GASK1A: variants seen among roughly 807,000 people sequenced by gnomAD.
GASK1A encodes golgi associated kinase 1A.
A neutral mutation model predicts 41.2 loss-of-function variants in GASK1A; 40 were observed. The ratio of observed to expected loss-of-function variants is 0.97; its 90% CI spans 0.75 to 1.27. The LOEUF (loss-of-function observed/expected upper bound fraction) is 1.27. Among genes scored for constraint, GASK1A ranks in the 50% most tolerant of loss-of-function variants. The pLI is 0.00. For missense variants in GASK1A, 678 were observed against 745.1 expected, an observed-to-expected ratio of 0.91 and a Z score of 1.05; for synonymous variants, 316 against 307.1, an observed-to-expected ratio of 1.03 and a Z score of -0.30.
At chr3:42,981,118 G>A (rs2089280802) in intron 1 of GASK1A, among the ~76,000 whole-genome samples, 1 of 152,176 alleles carries the variant, frequency 6.6e-6, no homozygotes, top group African/African-American at 2.4e-5. Context: ...CCCGTTCTGT[G>A]AGTCATTGCA....
At chr3:43,036,694 A>AAAAAAAGG (rs1468742180) in intron 2 of GASK1A, among the ~76,000 whole-genome samples, 1 of 152,150 alleles carries the variant, frequency 6.6e-6, no homozygotes, top group Non-Finnish European at 1.5e-5. Context: ...ACTGAGGTGG[A>AAAAAAAGG]AAAAAAGGAA....
intron 1 of GASK1A, among the ~76,000 whole-genome samples, chr3:43,011,343 C>G (rs2089462579): frequency 6.8e-6 from 1 of 147,402 alleles, no homozygotes; most frequent in Middle Eastern, 3.3e-3. Flanking sequence ...GGTCGCACCA[C>G]TGCACTCCAG....
intron 1 of GASK1A, among the ~76,000 whole-genome samples, chr3:42,986,694 G>C (rs1482515524): frequency 2.6e-5 from 4 of 152,198 alleles, no homozygotes; most frequent in African/African-American, 9.7e-5. Flanking sequence ...ATTGTCCCTA[G>C]GGCAGAGGGG....
At chr3:43,019,030 A>G (rs1475390756) in intron 1 of GASK1A, among the ~76,000 whole-genome samples, 1 of 152,260 alleles carries the variant, frequency 6.6e-6, no homozygotes, top group East Asian at 1.9e-4. Context: ...CTGTAAAATA[A>G]GGATGATAAC....
At chr3:43,041,114 C>T (rs982876718) in intron 2 of GASK1A, among the ~76,000 whole-genome samples, 3 of 149,656 alleles carry the variant, frequency 2.0e-5, no homozygotes, top group African/African-American at 7.3e-5. Context: ...TTTCTTAATC[C>T]AGTCTATCAT....
At chr3:43,055,288 C>G (rs1217245864) in intron 3 of GASK1A, 144 bp from the exon 4 acceptor site, 2 of 610,490 alleles carry the variant, frequency 3.3e-6, no homozygotes, top group Admixed American at 5.8e-5. Context: ...AGAGTAAGCA[C>G]TCAGCGGTGA....
rs1001225843 is a variant in GASK1A, at chr3:43,032,445, G to C, written c.182G>C (p.Arg61Pro). The change falls in exon 2 of 5, where the codon CGG becomes CCG. Residue 61 changes from arginine to proline, a missense_variant. Physicochemically the swap from Arg to Pro is moderately radical, Grantham distance 103. Coordinates refer to ENST00000430121, the MANE Select transcript of GASK1A (RefSeq NM_001129908.3). ...GVTGAPATHI[R>P]QALSSSRRQR... ...ACTGGCGCCCCTGCAACCCATATCC[G>C]GCAGGCTTTGAGCTCCAGCCGGAGG... The C allele has an allele frequency of 1.9e-6, 3 of 1,551,270 alleles. No homozygotes were observed. The highest frequency in any genetic ancestry group is 8.7e-7 in the Non-Finnish European group (1 of 1,146,654).
chr3:43,044,512 C>T (rs969145721), intron 2 of GASK1A, among the ~76,000 whole-genome samples: 14 of 152,086 alleles, frequency 9.2e-5, no homozygotes, highest in Admixed American at 5.2e-4. Context: ...TCAACATGGC[C>T]CCATGGGAGT....
At chr3:42,983,084 T>G (rs1486721998) in intron 1 of GASK1A, among the ~76,000 whole-genome samples, 1 of 152,170 alleles carries the variant, frequency 6.6e-6, no homozygotes, top group Non-Finnish European at 1.5e-5. Context: ...CATCATAGAA[T>G]TGAGGGATGT....
intron 2 of GASK1A, among the ~76,000 whole-genome samples, chr3:43,049,979 C>T (rs2089680954): frequency 6.7e-6 from 1 of 148,968 alleles, no homozygotes; most frequent in South Asian, 2.1e-4. Flanking sequence ...ACATTTTCTG[C>T]CCATCAGTAT....
chr3:43,021,550 C>T (rs553706728), intron 1 of GASK1A, among the ~76,000 whole-genome samples: 1 of 152,300 alleles, frequency 6.6e-6, no homozygotes, highest in East Asian at 1.9e-4. Context: ...TAGACTGTAT[C>T]CAGAAGTGGG....
rs1575447067 is a variant in GASK1A, at chr3:43,032,306, C to G, written c.43C>G (p.Pro15Ala). Residue 15 changes from proline to alanine, a missense_variant, in exon 2 of 5, where the codon CCA (proline) becomes GCA (alanine). Physicochemically the swap from Pro to Ala is conservative, Grantham distance 27 (BLOSUM62 -1). Coordinates refer to ENST00000430121, the MANE Select transcript of GASK1A (RefSeq NM_001129908.3). ...GAGAAAGCTGCGTGGCAAGAGGCGG[C>G]CAGTGATAGCGTTCTGCCTCTTGAT... ...LRRKLRGKRRPVIAFCLLMIL... is the reference protein window; with the variant it reads ...LRRKLRGKRRAVIAFCLLMIL... The G allele has an allele frequency of 6.5e-7, 1 of 1,538,042 alleles. No homozygotes were observed. The highest frequency in any genetic ancestry group is 1.7e-4 in the Middle Eastern group (1 of 5,932).
At chr3:43,052,279 C>T (rs1246942484) in intron 2 of GASK1A, among the ~76,000 whole-genome samples, 1 of 152,194 alleles carries the variant, frequency 6.6e-6, no homozygotes, top group Non-Finnish European at 1.5e-5. Flanking sequence ...CCAAACATTT[C>T]ACAAGGGCGG....
intron 1 of GASK1A, among the ~76,000 whole-genome samples, chr3:42,993,966 C>A (rs950640473): frequency 1.3e-5 from 2 of 152,136 alleles, no homozygotes; most frequent in Non-Finnish European, 2.9e-5. Context: ...GTATGAGACC[C>A]ATTTTAGAGA....
intron 1 of GASK1A, among the ~76,000 whole-genome samples, chr3:43,024,583 G>T (rs1436632577): frequency 1.3e-5 from 2 of 152,178 alleles, no homozygotes; most frequent in Non-Finnish European, 2.9e-5. Flanking sequence ...TGGGTAGTGG[G>T]TGGGGGTGGC....
At chr3:43,027,485 A>C (rs573344380) in intron 1 of GASK1A, among the ~76,000 whole-genome samples, 1 of 152,348 alleles carries the variant, frequency 6.6e-6, no homozygotes, top group East Asian at 1.9e-4. Context: ...AATATATAGA[A>C]ATGTAAACAC....
intron 1 of GASK1A, among the ~76,000 whole-genome samples, chr3:43,017,640 G>A (rs1169011023): frequency 3.3e-5 from 5 of 150,784 alleles, no homozygotes; most frequent in Admixed American, 6.6e-5. Context: ...ACAGGGAGGG[G>A]CAGTGTGAAG....
chr3:43,015,411 T>C (rs1414478564), intron 1 of GASK1A, among the ~76,000 whole-genome samples: 1 of 139,874 alleles, frequency 7.1e-6, no homozygotes, highest in Admixed American at 7.2e-5. Context: ...GTAGGGGCTG[T>C]GTGAAGTCAC....
intron 1 of GASK1A, among the ~76,000 whole-genome samples, chr3:43,008,322 G>T (rs746438736): frequency 6.6e-6 from 1 of 152,184 alleles, no homozygotes; most frequent in African/African-American, 2.4e-5. Context: ...GGAGTCTCTC[G>T]AGGGAGGACC....
Sources: allele counts gnomAD v4.1 joint callset (sites outside exome capture counted in the v4.1 genomes callset), GRCh38; gene constraint gnomAD v4.1.1; transcripts MANE v1.5; gene names NCBI Gene and HGNC (gene_info 2026-07-23, HGNC 2026-07-21).